TLE1: variants seen among roughly 807,000 people sequenced by gnomAD.
TLE1 encodes the protein TLE family member 1, transcriptional corepressor, also known as transducin-like enhancer protein 1.
A neutral mutation model predicts 89.8 loss-of-function variants in TLE1; 21 were observed. That is an observed-to-expected ratio of 0.23 (90% confidence interval 0.17 to 0.34). TLE1 has a LOEUF of 0.34. Among genes scored for constraint, TLE1 ranks in the 10% least tolerant of loss-of-function variants. The pLI, the probability that TLE1 is intolerant of heterozygous loss-of-function variation, is 1.00. For missense variants in TLE1, 795 were observed against 1,031.2 expected (o/e 0.77, Z 3.14); for synonymous variants, 447 against 407.6 (o/e 1.10, Z -1.16).
intron 12 of TLE1, 70 bp downstream of exon 12, chr9:81,613,307 A>G (rs1421422929): frequency 5.7e-6 from 9 of 1,583,542 alleles, no homozygotes; most frequent in African/African-American, 2.7e-5. Flanking sequence ...GCGTCACAAC[A>G]TTAACAGACA....
chr9:81,599,556 G>A (rs1456764060), intron 14 of TLE1, among the ~76,000 whole-genome samples: 1 of 152,146 alleles, frequency 6.6e-6, no homozygotes, highest in Non-Finnish European at 1.5e-5. Flanking sequence ...CGGTGGCTGG[G>A]AGGAATAGTG....
intron 8 of TLE1, among the ~76,000 whole-genome samples, chr9:81,621,194 A>AAAAGCAGGAACAAGG (rs1825203902): frequency 6.6e-6 from 1 of 152,240 alleles, no homozygotes; most frequent in South Asian, 2.1e-4. Context: ...TCCCACACAC[A>AAAAGCAGGAACAAGG]AAAGCAGGAA....
intron 8 of TLE1, among the ~76,000 whole-genome samples, chr9:81,628,240 A>AC (rs891165257): frequency 1.3e-5 from 2 of 151,960 alleles, no homozygotes; most frequent in African/African-American, 4.8e-5. Flanking sequence ...AGGCCTCCTA[A>AC]CCCCCTCCCT....
intron 14 of TLE1, among the ~76,000 whole-genome samples, chr9:81,608,984 A>G (rs1823346926): frequency 6.6e-6 from 1 of 152,090 alleles, no homozygotes; most frequent in South Asian, 2.1e-4. Flanking sequence ...AAAGAAAAAA[A>G]AGCAACAACA....
At position 81,633,373 on chromosome 9, in the gene TLE1, G is replaced by C. The variant is rs376146312; in HGVS notation, c.578-9C>G. Reference sequence around the variant, plus strand: ...TGTGCCCGGCTCTCTGTCTGCTCCCGAGGTTACCAAGAAACGCACAGACAT... The same window carrying C: ...TGTGCCCGGCTCTCTGTCTGCTCCCCAGGTTACCAAGAAACGCACAGACAT... On this transcript the variant is annotated splice_polypyrimidine_tract_variant and intron_variant, in intron 7 of 19. Transcript: ENST00000376499. 1.9e-5 allele frequency: 30 copies of C among 1,613,234 alleles called. No individual in the cohort carries two copies. In the African/African-American group the frequency reaches 3.9e-4, roughly 21 times the overall value.
chr9:81,636,237 T>C (rs1002282243), intron 6 of TLE1, among the ~76,000 whole-genome samples: 5 of 152,154 alleles, frequency 3.3e-5, no homozygotes, highest in Non-Finnish European at 7.4e-5. Context: ...TAATTCTTGC[T>C]CTGTCACCTT....
Position 81,617,031 on chromosome 9 carries a change from C to G in TLE1, c.712-332G>C, listed in dbSNP as rs78729715. On this transcript the variant is annotated intron_variant, in intron 9 of 19. Coordinates refer to ENST00000376499, the MANE Select transcript of TLE1 (RefSeq NM_005077.5). The stretch of plus-strand genomic sequence containing the variant: ...AAATGGTTGCAACAGCTGAATTTCT[C>G]GAGGGATGAAATCTTTAATTTGAGA... 1.3e-3 allele frequency among the ~76,000 whole-genome samples: 202 copies of G among 150,114 alleles called. 1 individual carries two copies. Among genetic ancestry groups the G allele is most frequent in the African/African-American group, 4.5e-3 (184 of 40,746 alleles).
intron 14 of TLE1, among the ~76,000 whole-genome samples, chr9:81,598,744 T>A (rs1385360347): frequency 1.3e-5 from 2 of 152,162 alleles, no homozygotes; most frequent in African/African-American, 2.4e-5. Context: ...AAAGGCAGTC[T>A]CTAGACAGCT....
intron 8 of TLE1, among the ~76,000 whole-genome samples, chr9:81,626,497 G>C (rs1264062182): frequency 6.6e-6 from 1 of 152,090 alleles, no homozygotes; most frequent in East Asian, 1.9e-4. Context: ...AAACTAATGA[G>C]ATCCCCACTT....
chr9:81,646,127 A>T (rs1036816860), intron 6 of TLE1, among the ~76,000 whole-genome samples: 112 of 152,192 alleles, frequency 7.4e-4, no homozygotes, highest in Middle Eastern at 6.3e-3. Context: ...TTAAATTAAA[A>T]TTTTTTTAAA....
chr9:81,654,783 T>C (rs1376552773), intron 4 of TLE1, among the ~76,000 whole-genome samples: 1 of 152,094 alleles, frequency 6.6e-6, no homozygotes, highest in African/African-American at 2.4e-5. Context: ...GGTGATAGAG[T>C]AGAAGAAAGG....
chr9:81,675,698 G>GTTTTTTTTTCT (rs35060460), intron 4 of TLE1, among the ~76,000 whole-genome samples: 1 of 129,666 alleles, frequency 7.7e-6, no homozygotes, highest in African/African-American at 3.3e-5. Context: ...ACTCACACTA[G>GTTTTTTTTTCT]TTTTTTTTTG....
intron 4 of TLE1, among the ~76,000 whole-genome samples, chr9:81,666,731 T>C (rs1359424379): frequency 6.6e-6 from 1 of 151,452 alleles, no homozygotes; most frequent in East Asian, 1.9e-4. Flanking sequence ...GCCAAGATCA[T>C]GCCACTGCAC....
At chr9:81,628,796 G>A (rs1378786686) in intron 8 of TLE1, among the ~76,000 whole-genome samples, 1 of 152,146 alleles carries the variant, frequency 6.6e-6, no homozygotes, top group Non-Finnish European at 1.5e-5. Flanking sequence ...CAGCCTCCTT[G>A]ATAAAACCAT....
rs565592793 is a variant in TLE1 at position 81,656,168 on chromosome 9, C to T, written c.235-2132G>A. Among the ~76,000 whole-genome samples, 187 of 152,132 alleles carry T rather than the reference C, an allele frequency of 1.2e-3. 1 individual carries two copies. The highest frequency in any genetic ancestry group is 3.2e-3 in the Middle Eastern group (1 of 316). ...AAAAAGGGTGCAGCTGTACCAGGTA[C>T]AAAAACAGAACTGGGTCAGCCCCAC... On this transcript the variant is annotated intron_variant, in intron 4 of 19. Transcript: ENST00000376499.
At chr9:81,667,845 C>T (rs1404957730) in intron 4 of TLE1, among the ~76,000 whole-genome samples, 4 of 152,044 alleles carry the variant, frequency 2.6e-5, no homozygotes, top group South Asian at 4.1e-4. Context: ...TGCAATGTTC[C>T]GCAACTCACT....
intron 14 of TLE1, among the ~76,000 whole-genome samples, chr9:81,595,557 G>T (rs561975568): frequency 6.6e-6 from 1 of 152,218 alleles, no homozygotes; most frequent in East Asian, 1.9e-4. Flanking sequence ...GGTGGCTCAC[G>T]CCTGTAATCC....
chr9:81,638,268 A>C (rs920782518), intron 6 of TLE1, among the ~76,000 whole-genome samples: 3 of 152,124 alleles, frequency 2.0e-5, no homozygotes, highest in African/African-American at 7.2e-5. Flanking sequence ...CTCTCTTCCA[A>C]AGAAGCACGT....
In TLE1 at chr9:81,688,311, G is replaced by A. The variant is rs376593345; in HGVS notation, c.-71C>T. On this transcript the variant is annotated 5_prime_UTR_variant, in exon 1 of 20. Transcript: ENST00000376499. Reference sequence around the variant, plus strand: ...CCGGTCAATTTCCAACTTTAATCCCGCCGAGGAAAATTAAGCCGGAAAGCC... The same window carrying A: ...CCGGTCAATTTCCAACTTTAATCCCACCGAGGAAAATTAAGCCGGAAAGCC... The A allele has an allele frequency of 8.0e-5, 116 of 1,441,172 alleles. No individual in the cohort carries two copies. Among genetic ancestry groups the A allele is most frequent in the Non-Finnish European group, 9.5e-5 (104 of 1,092,960 alleles). The allele number at this position is 1,441,172 out of a possible 1,614,324, so 89.3% of individuals were successfully genotyped here.
Sources: gnomAD v4.1 joint callset for allele counts (sites outside exome capture counted in the v4.1 genomes callset) on GRCh38, gnomAD v4.1.1 for gene constraint, MANE v1.5 for transcripts, NCBI Gene and HGNC (gene_info 2026-07-23, HGNC 2026-07-21) for gene names.